The following GRIA4 variants were observed in gnomAD, a reference collection of about 807,000 sequenced individuals.
The protein encoded by GRIA4 is glutamate ionotropic receptor AMPA type subunit 4, also known as glutamate receptor 4.
Under a neutral mutation model 104.0 loss-of-function variants are expected in GRIA4, and 34 were observed. That is an observed-to-expected ratio of 0.33 (90% CI 0.25 to 0.44). GRIA4 has a LOEUF of 0.44. GRIA4 is among the 20% of genes least tolerant of loss of function. GRIA4 has a pLI of 1.00. For synonymous variants in GRIA4, 386 were observed against 381.9 expected (o/e 1.01, Z -0.13); for missense variants, 750 against 1,096.5 (o/e 0.68, Z 4.46).
chr11:105,946,654 A>G (rs1948322136), intron 14 of GRIA4, among the ~76,000 whole-genome samples: 1 of 152,166 alleles, frequency 6.6e-6, no homozygotes, highest in African/African-American at 2.4e-5. Context: ...CGAAAAAGAA[A>G]AATAGACCAT....
chr11:105,746,923 C>T (rs528337288), intron 3 of GRIA4, among the ~76,000 whole-genome samples: 3 of 151,956 alleles, frequency 2.0e-5, no homozygotes, highest in South Asian at 2.1e-4. Context: ...AACGAGGATT[C>T]GTAAAGGCTA....
intron 14 of GRIA4, among the ~76,000 whole-genome samples, chr11:105,942,159 G>C (rs556328492): frequency 6.6e-6 from 1 of 151,992 alleles, no homozygotes; most frequent in South Asian, 2.1e-4. Context: ...GCTTATATCT[G>C]AAGCTAGTCA....
intron 4 of GRIA4, among the ~76,000 whole-genome samples, chr11:105,837,205 C>T (rs933894732): frequency 1.3e-5 from 2 of 152,124 alleles, no homozygotes; most frequent in Admixed American, 6.6e-5. Flanking sequence ...AATCACTTCC[C>T]ACCTGGTCCC....
At chr11:105,630,442 T>TA (rs1369729245) in intron 3 of GRIA4, among the ~76,000 whole-genome samples, 1 of 152,090 alleles carries the variant, frequency 6.6e-6, no homozygotes, top group Non-Finnish European at 1.5e-5. Flanking sequence ...CATGTGCCTG[T>TA]AATCCCAGCT....
At chr11:105,798,824 G>A (rs557391146) in intron 4 of GRIA4, among the ~76,000 whole-genome samples, 1 of 152,262 alleles carries the variant, frequency 6.6e-6, no homozygotes, top group African/African-American at 2.4e-5. Flanking sequence ...GAGAACAGAG[G>A]AAAGAATATT....
At chr11:105,748,384 T>A (rs1243360535) in intron 3 of GRIA4, among the ~76,000 whole-genome samples, 2 of 17,364 alleles carry the variant, frequency 1.2e-4, no homozygotes, top group Non-Finnish European at 1.1e-4. Context: ...ACTTTTGTGA[T>A]TTTTTTTTTT....
At chr11:105,643,262 T>G (rs1951423994) in intron 3 of GRIA4, among the ~76,000 whole-genome samples, 1 of 152,202 alleles carries the variant, frequency 6.6e-6, no homozygotes, top group Non-Finnish European at 1.5e-5. Flanking sequence ...TTTTCTATAT[T>G]CATCATTCTA....
intron 3 of GRIA4, among the ~76,000 whole-genome samples, chr11:105,644,014 T>C (rs1230399288): frequency 6.6e-6 from 1 of 152,174 alleles, no homozygotes; most frequent in African/African-American, 2.4e-5. Flanking sequence ...CCACCACTCC[T>C]GGCCCTTGCC....
chr11:105,697,508 G>A (rs533752067), intron 3 of GRIA4, among the ~76,000 whole-genome samples: 2 of 152,324 alleles, frequency 1.3e-5, no homozygotes, highest in Admixed American at 6.5e-5. Flanking sequence ...CTTTAGAAGA[G>A]AAGAACATGC....
chr11:105,765,430 A>G (rs1049923469), intron 4 of GRIA4, among the ~76,000 whole-genome samples: 2 of 152,216 alleles, frequency 1.3e-5, no homozygotes, highest in African/African-American at 4.8e-5. Context: ...AATCAGAGTG[A>G]GTTTGAAGAA....
rs570509783 is a variant in GRIA4 at position 105,903,289 on chromosome 11, T to A, written c.886-525T>A. On this transcript the variant is annotated intron_variant, in intron 7 of 16. Transcript: ENST00000282499. ...TTATTTCTGGCATCATATTTCTGAA[T>A]AACAATAAACAATTCCACTCATTCT... Among the ~76,000 whole-genome samples, 56 of 152,338 alleles carry A rather than the reference T, an allele frequency of 3.7e-4. 1 individual carries two copies. The highest frequency in any genetic ancestry group is 6.8e-3 in the Middle Eastern group (2 of 294).
intron 4 of GRIA4, among the ~76,000 whole-genome samples, chr11:105,813,093 CAAAAAAA>C (rs58984237): frequency 1.5e-4 from 12 of 80,452 alleles, no homozygotes; most frequent in African/African-American, 6.0e-4. Context: ...GACTCCATCT[CAAAAAAA>C]AAAAAAAAAA....
chr11:105,941,045 G>A (rs573517745), intron 14 of GRIA4, among the ~76,000 whole-genome samples: 3 of 151,952 alleles, frequency 2.0e-5, no homozygotes, highest in South Asian at 2.1e-4. Flanking sequence ...ATACAGTATC[G>A]TACACCACCT....
intron 4 of GRIA4, among the ~76,000 whole-genome samples, chr11:105,832,192 G>A (rs1944001322): frequency 6.6e-6 from 1 of 151,962 alleles, no homozygotes; most frequent in Non-Finnish European, 1.5e-5. Context: ...AGAAAGAGCA[G>A]TCAGAAAGCC....
chr11:105,645,452 T>C (rs1951499291), intron 3 of GRIA4, among the ~76,000 whole-genome samples: 1 of 152,126 alleles, frequency 6.6e-6, no homozygotes, highest in Admixed American at 6.5e-5. Flanking sequence ...GTTCAAAGAT[T>C]ACAGAGAAAA....
intron 14 of GRIA4, among the ~76,000 whole-genome samples, chr11:105,941,133 C>T (rs1318631023): frequency 3.3e-5 from 5 of 152,074 alleles, no homozygotes; most frequent in African/African-American, 1.2e-4. Context: ...CAGAAACAAG[C>T]ATTATGTTGG....
At chr11:105,881,075 G>C (rs547896448) in intron 5 of GRIA4, among the ~76,000 whole-genome samples, 2 of 152,250 alleles carry the variant, frequency 1.3e-5, no homozygotes, top group African/African-American at 4.8e-5. Context: ...AATGAAAGAT[G>C]CATTTATCAA....
chr11:105,895,552 G>GATAC (rs892616912), intron 6 of GRIA4, among the ~76,000 whole-genome samples: 15 of 145,544 alleles, frequency 1.0e-4, no homozygotes, highest in African/African-American at 3.7e-4. Flanking sequence ...GACAGATATA[G>GATAC]ATACATACAT....
intron 14 of GRIA4, among the ~76,000 whole-genome samples, chr11:105,968,770 CT>C (rs1325859632): frequency 3.9e-5 from 6 of 152,264 alleles, no homozygotes; most frequent in Middle Eastern, 3.4e-3. Context: ...CAAAAATTTA[CT>C]ACTTGACAAT....
Sources: allele counts gnomAD v4.1 joint callset (sites outside exome capture counted in the v4.1 genomes callset), GRCh38; gene constraint gnomAD v4.1.1; transcripts MANE v1.5; gene names NCBI Gene and HGNC (gene_info 2026-07-23, HGNC 2026-07-21).